Variants in PPP2R2B observed in about 807,000 individuals in gnomAD.
PPP2R2B encodes serine/threonine-protein phosphatase 2A 55 kDa regulatory subunit B beta isoform.
Under a neutral mutation model 46.0 loss-of-function variants are expected in PPP2R2B, and 5 were observed. The ratio of observed to expected loss-of-function variants is 0.11; its 90% CI spans 0.06 to 0.23. The LOEUF is 0.23. PPP2R2B is among the 10% of genes least tolerant of loss of function. The pLI is 1.00. For synonymous variants in PPP2R2B, 215 were observed against 206.7 expected, an observed-to-expected ratio of 1.04 and a Z score of -0.34; for missense variants, 367 against 575.0, an observed-to-expected ratio of 0.64 and a Z score of 3.70.
At chr5:146,976,013 T>C (rs1752882053) in intron 1 of PPP2R2B, among the ~76,000 whole-genome samples, 1 of 151,820 alleles carries the variant, frequency 6.6e-6, no homozygotes, top group Non-Finnish European at 1.5e-5. Flanking sequence ...TTTTGTTTCC[T>C]GTGCCTGGTA....
chr5:146,706,975 C>T, intron 2 of PPP2R2B: 3 of 1,007,094 alleles, frequency 3.0e-6, no homozygotes, highest in Non-Finnish European at 1.6e-6. Flanking sequence ...CCCTTCCAGG[C>T]AAGACTCCAG....
chr5:147,056,676 AG>A (rs1757096016), upstream of PPP2R2B, among the ~76,000 whole-genome samples: 1 of 152,188 alleles, frequency 6.6e-6, no homozygotes. Context: ...TGAGAGAGAG[AG>A]AGAAAAAGAG....
intron 1 of PPP2R2B, among the ~76,000 whole-genome samples, chr5:147,014,228 A>G (rs1250801184): frequency 1.4e-5 from 2 of 143,192 alleles, no homozygotes; most frequent in Admixed American, 1.4e-4. Flanking sequence ...TTAGAAAGTC[A>G]GGAAAAAACA....
chr5:147,050,922 G>A (rs1756782623), intron 1 of PPP2R2B, among the ~76,000 whole-genome samples: 1 of 152,028 alleles, frequency 6.6e-6, no homozygotes. Flanking sequence ...AAGGAGCATT[G>A]TTGATAGAAT....
rs551663866 is a variant in PPP2R2B at position 146,581,638 on chromosome 5, C to T, written c.*8309G>A. Reference sequence around the variant, plus strand: ...TAAATGCACCATTGACCACCTTCTGCCTTTTTCCTGTTAGAGTCCAGCATA... The same window carrying T: ...TAAATGCACCATTGACCACCTTCTGTCTTTTTCCTGTTAGAGTCCAGCATA... On this transcript the variant is annotated 3_prime_UTR_variant, in exon 10 of 10. Transcript: ENST00000394411. 9.0e-4 allele frequency: 137 copies of T among 152,330 alleles called. No individual in the cohort carries two copies. The highest frequency in any genetic ancestry group is 3.4e-3 in the Middle Eastern group (1 of 294). 9.4% of individuals were successfully genotyped at this position (152,330 alleles called of 1,614,324 possible).
intron 7 of PPP2R2B, among the ~76,000 whole-genome samples, chr5:146,631,086 T>C (rs75403035): frequency 0.016 from 2,371 of 152,276 alleles, 77 homozygotes; most frequent in African/African-American, 0.052. Context: ...AAAACAAAAT[T>C]GTCCTGGGCT....
At chr5:147,055,690 G>T (rs764410435) in exon 1 of PPP2R2B, 1 of 1,612,640 alleles carries the variant, frequency 6.2e-7, no homozygotes, top group Non-Finnish European at 8.5e-7. Flanking sequence ...TGGAAGAAAG[G>T]ATGGTGTTCG....
chr5:146,826,157 C>T (rs558145796), intron 2 of PPP2R2B, among the ~76,000 whole-genome samples: 1 of 151,920 alleles, frequency 6.6e-6, no homozygotes, highest in African/African-American at 2.4e-5. Context: ...TTAAAAATGC[C>T]CCAGTCATGA....
intron 8 of PPP2R2B, among the ~76,000 whole-genome samples, chr5:146,599,815 C>A (rs865810109): frequency 4.6e-5 from 7 of 152,186 alleles, no homozygotes; most frequent in Non-Finnish European, 1.5e-5. Context: ...CACCCTCTGA[C>A]AGGCCCCGGT....
At chr5:146,901,353 A>G (rs1411045325) in intron 1 of PPP2R2B, among the ~76,000 whole-genome samples, 2 of 152,038 alleles carry the variant, frequency 1.3e-5, no homozygotes, top group African/African-American at 4.8e-5. Context: ...TTAAAAAGAA[A>G]AATTAGCCAG....
At chr5:146,907,375 T>C (rs1407202813) in intron 1 of PPP2R2B, among the ~76,000 whole-genome samples, 3 of 152,190 alleles carry the variant, frequency 2.0e-5, no homozygotes, top group Non-Finnish European at 2.9e-5. Context: ...TTCAGGACAT[T>C]GGTTAAAATG....
chr5:147,010,483 G>A (rs1456677229), intron 1 of PPP2R2B, among the ~76,000 whole-genome samples: 1 of 152,176 alleles, frequency 6.6e-6, no homozygotes, highest in Non-Finnish European at 1.5e-5. Flanking sequence ...TGTTGGGGGT[G>A]ATGGGAGACA....
intron 7 of PPP2R2B, chr5:146,607,684 C>T (rs895026205): frequency 5.3e-5 from 8 of 152,206 alleles, no homozygotes; most frequent in African/African-American, 1.9e-4. Context: ...AAAACCTTTT[C>T]TTTTCCCAGA....
chr5:146,694,293 C>T (rs904094388), intron 4 of PPP2R2B, among the ~76,000 whole-genome samples: 4 of 152,132 alleles, frequency 2.6e-5, no homozygotes, highest in Non-Finnish European at 5.9e-5. Context: ...AAAGGAGATC[C>T]TGCTGCATAC....
At chr5:147,067,490 T>C (rs912959571) in intron 2 of PPP2R2B, among the ~76,000 whole-genome samples, 1 of 152,190 alleles carries the variant, frequency 6.6e-6, no homozygotes, top group African/African-American at 2.4e-5. Context: ...ACAGGCTTTC[T>C]TTCTTTTTCC....
intron 1 of PPP2R2B, among the ~76,000 whole-genome samples, chr5:146,995,194 C>G (rs774764799): frequency 2.6e-5 from 4 of 152,174 alleles, no homozygotes; most frequent in Admixed American, 6.5e-5. Flanking sequence ...TGAATCTTCC[C>G]AGTGGGTTTT....
At chr5:146,964,900 A>G (rs1044156431) in intron 1 of PPP2R2B, among the ~76,000 whole-genome samples, 6 of 152,064 alleles carry the variant, frequency 3.9e-5, no homozygotes, top group Admixed American at 3.3e-4. Context: ...GCCATCTATT[A>G]TTTGGGTGAC....
At chr5:146,714,440 A>C (rs1449878263) in intron 2 of PPP2R2B, among the ~76,000 whole-genome samples, 1 of 152,144 alleles carries the variant, frequency 6.6e-6, no homozygotes. Flanking sequence ...GGATCAAGAG[A>C]GTACTTTCAC....
chr5:146,698,156 G>A lies in PPP2R2B; in HGVS notation c.169-12C>T. 5 of 1,562,230 alleles carry A rather than the reference G, an allele frequency of 3.2e-6. No homozygotes were observed. The highest frequency in any genetic ancestry group is 2.4e-5 in the South Asian group (2 of 83,688). ...ACCTGATTTTTACTCTGTAGGAAAGGAAAAAAATACACAACAGATTAAATC... is the reference window on the plus strand; with the variant it reads ...ACCTGATTTTTACTCTGTAGGAAAGAAAAAAAATACACAACAGATTAAATC... On this transcript the variant is annotated splice_polypyrimidine_tract_variant and intron_variant, in intron 3 of 9. Coordinates refer to ENST00000394411, the MANE Select transcript of PPP2R2B (RefSeq NM_181675.4).
Sources: allele counts gnomAD v4.1 joint callset (sites outside exome capture counted in the v4.1 genomes callset), GRCh38; gene constraint gnomAD v4.1.1; transcripts MANE v1.5; gene names NCBI Gene and HGNC (gene_info 2026-07-23, HGNC 2026-07-21).